Variants in ZNF423 observed in about 807,000 individuals in gnomAD.
ZNF423 encodes zinc finger protein 423, also known as Ebf-associated zinc finger protein.
In ZNF423, 12 loss-of-function variants were observed where a neutral mutation model predicts 95.8. The observed-to-expected ratio is 0.13, with a 90% CI of 0.08 to 0.20. The LOEUF (loss-of-function observed/expected upper bound fraction) is 0.20. ZNF423 is among the 10% of genes least tolerant of loss of function. ZNF423 has a pLI of 1.00. For synonymous variants in ZNF423, 749 were observed against 711.9 expected (o/e 1.05, Z -0.83); for missense variants, 1,316 against 1,737.1 (o/e 0.76, Z 4.31).
intron 1 of ZNF423, among the ~76,000 whole-genome samples, chr16:49,824,902 C>CA (rs1223012671): frequency 6.6e-6 from 1 of 152,144 alleles, no homozygotes; most frequent in Non-Finnish European, 1.5e-5. Context: ...CTCTCTGATG[C>CA]AAAAGAAACT....
intron 5 of ZNF423, among the ~76,000 whole-genome samples, chr16:49,599,927 A>T (rs1404730683): frequency 6.6e-6 from 1 of 152,170 alleles, no homozygotes; most frequent in Non-Finnish European, 1.5e-5. Flanking sequence ...CAATTTGTTG[A>T]TGTGGGTGCT....
chr16:49,552,453 G>T (rs1397688118), intron 5 of ZNF423, among the ~76,000 whole-genome samples: 1 of 152,186 alleles, frequency 6.6e-6, no homozygotes, highest in Non-Finnish European at 1.5e-5. Context: ...GGCCAGCGCA[G>T]CCCCTGCAGC....
At chr16:49,496,063 C>G (rs971230600) in intron 7 of ZNF423, among the ~76,000 whole-genome samples, 6 of 152,248 alleles carry the variant, frequency 3.9e-5, no homozygotes, top group African/African-American at 1.4e-4. Flanking sequence ...AGTCCTAGCA[C>G]CTTGCCTTGT....
At chr16:49,690,340 G>A (rs1449028240) in intron 3 of ZNF423, among the ~76,000 whole-genome samples, 1 of 152,170 alleles carries the variant, frequency 6.6e-6, no homozygotes, top group Non-Finnish European at 1.5e-5. Context: ...AGACCAGCCT[G>A]AGCAACATGG....
chr16:49,638,368 C>T lies in ZNF423; in HGVS notation c.808G>A (p.Asp270Asn), dbSNP rs749530458. The change falls in exon 4 of 8, where the codon GAC (aspartate) becomes AAC (asparagine). Residue 270 changes from aspartate to asparagine, a missense_variant. Asp to Asn is a conservative substitution (Grantham distance 23, BLOSUM62 1). Coordinates refer to ENST00000563137, the MANE Select transcript of ZNF423 (RefSeq NM_001379286.1). This position sits in a 1 kb window ranked among gnomAD's most constrained non-coding sequence, Gnocchi z 5.6. ...TCCTCGCAGTAGTCGCACATGAAGT[C>T]GTCCTTCTTGGCTTCCTTCTCCGAC... ...AKSEKEAKKD[D>N]FMCDYCEDTF... The T allele has an allele frequency of 1.9e-6, 3 of 1,613,932 alleles. No individual in the cohort carries two copies. Among genetic ancestry groups the T allele is most frequent in the South Asian group, 2.2e-5 (2 of 91,084 alleles).
In ZNF423 at chr16:49,799,539, A is replaced by G. The variant is rs537891765; in HGVS notation, c.41-9993T>C. The stretch of plus-strand genomic sequence containing the variant: ...TGGGACTATTTGGAGGTGACAGCCA[A>G]GGGGCTCAGCTTCTGTGCCAGCTCA... On this transcript the variant is annotated intron_variant, in intron 1 of 7. Coordinates refer to ENST00000563137, the MANE Select transcript of ZNF423 (RefSeq NM_001379286.1). Among the ~76,000 whole-genome samples the G allele has an allele frequency of 5.3e-5, 8 of 152,224 alleles. No homozygotes were observed. In the East Asian group the frequency reaches 1.5e-3, roughly 29 times the overall value.
intron 2 of ZNF423, among the ~76,000 whole-genome samples, chr16:49,765,934 G>A (rs1256128370): frequency 6.6e-6 from 1 of 152,174 alleles, no homozygotes; most frequent in Non-Finnish European, 1.5e-5. Context: ...GACGGGGAAT[G>A]GGGAGTGAGT....
intron 5 of ZNF423, among the ~76,000 whole-genome samples, chr16:49,577,902 C>T (rs1189524455): frequency 6.6e-6 from 1 of 152,206 alleles, no homozygotes; most frequent in African/African-American, 2.4e-5. Flanking sequence ...ACCAGGCTGC[C>T]TCTGAAACTC....
chr16:49,713,616 T>C (rs9933763), intron 3 of ZNF423, among the ~76,000 whole-genome samples: 6,952 of 152,262 alleles, frequency 0.046, 173 homozygotes, highest in Middle Eastern at 0.11. Context: ...CCCTGCCCGC[T>C]TCTGCAAATG....
At chr16:49,776,275 C>G (rs553617247) in intron 2 of ZNF423, among the ~76,000 whole-genome samples, 77 of 152,346 alleles carry the variant, frequency 5.1e-4, no homozygotes, top group Non-Finnish European at 9.7e-4. Context: ...GACCCCCACT[C>G]CCAGGAGCGG....
intron 1 of ZNF423, among the ~76,000 whole-genome samples, chr16:49,839,334 C>T (rs1003705551): frequency 2.0e-5 from 3 of 152,096 alleles, no homozygotes; most frequent in Admixed American, 1.3e-4. Context: ...GGGCTAGATG[C>T]CTTGGAGAGG....
chr16:49,797,280 G>T (rs887178873), intron 1 of ZNF423, among the ~76,000 whole-genome samples: 15 of 152,140 alleles, frequency 9.9e-5, no homozygotes, highest in African/African-American at 3.6e-4. Context: ...TATAGGCCAA[G>T]CACTGCACAG....
chr16:49,637,295 C>A lies in ZNF423; in HGVS notation c.1881G>T (p.Arg627=). The A allele has an allele frequency of 1.2e-6, 2 of 1,614,206 alleles. No individual in the cohort carries two copies. The highest frequency in any genetic ancestry group is 1.7e-6 in the Non-Finnish European group (2 of 1,180,048). ...AGATGGAGTTGGCGCTTGCTGAGAG[C>A]CGCTGCCGCTTCGGGGAAGACACCT... is the stretch of plus-strand genomic sequence containing the variant. ...DVEVSSPKRQ[R]LSASANSISN... Residue 627 remains arginine, a synonymous_variant, in exon 4 of 8, where the codon CGG becomes CGT. Transcript: ENST00000563137. The surrounding 1 kb of genome is among the most constrained non-coding windows in gnomAD (Gnocchi z 5.6).
chr16:49,612,711 A>C (rs913167219), intron 5 of ZNF423, among the ~76,000 whole-genome samples: 1 of 152,196 alleles, frequency 6.6e-6, no homozygotes, highest in South Asian at 2.1e-4. Flanking sequence ...AATAAAAGGC[A>C]TACAGATAGT....
At chr16:49,528,994 T>C (rs1284600862) in intron 5 of ZNF423, among the ~76,000 whole-genome samples, 1 of 151,924 alleles carries the variant, frequency 6.6e-6, no homozygotes, top group Non-Finnish European at 1.5e-5. Flanking sequence ...TTATATAAGA[T>C]CGCACAGTGC....
At chr16:49,667,251 G>GTTT (rs2151921430) in intron 3 of ZNF423, among the ~76,000 whole-genome samples, 1 of 152,348 alleles carries the variant, frequency 6.6e-6, no homozygotes, top group East Asian at 1.9e-4. Context: ...AGAACAAACT[G>GTTT]GGTCAGTGTT....
chr16:49,532,288 G>A (rs1432958315), intron 5 of ZNF423, among the ~76,000 whole-genome samples: 3 of 152,126 alleles, frequency 2.0e-5, no homozygotes, highest in Non-Finnish European at 4.4e-5. Flanking sequence ...GGCTGTCCCC[G>A]ACCCCCAGTG....
intron 3 of ZNF423, among the ~76,000 whole-genome samples, chr16:49,688,059 T>G (rs1372564824): frequency 2.1e-5 from 3 of 145,352 alleles, no homozygotes; most frequent in South Asian, 2.3e-4. Context: ...GTGCGGTTTT[T>G]TTTTTTTTTT....
chr16:49,818,863 G>A (rs1324835528), intron 1 of ZNF423, among the ~76,000 whole-genome samples: 2 of 151,904 alleles, frequency 1.3e-5, no homozygotes, highest in African/African-American at 2.4e-5. Context: ...CTCCAGCTTG[G>A]GCAACAGGGC....
Sources: allele counts gnomAD v4.1 joint callset (sites outside exome capture counted in the v4.1 genomes callset), GRCh38; gene constraint gnomAD v4.1.1; non-coding constraint Gnocchi (gnomAD v3.1); transcripts MANE v1.5; gene names NCBI Gene and HGNC (gene_info 2026-07-23, HGNC 2026-07-21).